Variants in OMA1 observed in about 807,000 individuals in gnomAD.
The protein encoded by OMA1 is OMA1 zinc metallopeptidase.
Under a neutral mutation model 30.9 loss-of-function variants are expected in OMA1, and 38 were observed. The observed-to-expected ratio is 1.23, with a 90% CI of 0.95 to 1.61. The LOEUF (loss-of-function observed/expected upper bound fraction) is 1.61, where lower values mean the gene tolerates loss of function less well. Among genes scored for constraint, OMA1 ranks in the 40% most tolerant of loss-of-function variants. OMA1 has a pLI of 0.00. For missense variants in OMA1, 461 were observed against 349.2 expected (o/e 1.32, Z -2.55); for synonymous variants, 173 against 121.9 (o/e 1.42, Z -2.76).
chr1:58,491,115 T>C (rs952331389), intron 8 of OMA1, among the ~76,000 whole-genome samples: 1 of 151,996 alleles, frequency 6.6e-6, no homozygotes, highest in Non-Finnish European at 1.5e-5. Flanking sequence ...CCCTTCAACA[T>C]ACTTAAAGAA....
intron 8 of OMA1, among the ~76,000 whole-genome samples, chr1:58,500,734 A>G (rs1645893101): frequency 6.6e-6 from 1 of 152,208 alleles, no homozygotes. Context: ...TATACATTCT[A>G]TCATTCTCCA....
At chr1:58,546,153 CG>C (rs918100580) in intron 1 of OMA1, among the ~76,000 whole-genome samples, 103 of 152,336 alleles carry the variant, frequency 6.8e-4, no homozygotes, top group African/African-American at 2.4e-3. Context: ...TAAAACTCCC[CG>C]GAACTGCTTA....
At chr1:58,541,747 T>C in intron 1 of OMA1, 1 of 118,992 alleles carries the variant, frequency 8.4e-6, no homozygotes, top group East Asian at 2.0e-4. Flanking sequence ...ATATTGTGGT[T>C]ATCTGACTAT....
At chr1:58,482,845 G>A (rs904168140) in intron 8 of OMA1, among the ~76,000 whole-genome samples, 1 of 152,108 alleles carries the variant, frequency 6.6e-6, no homozygotes, top group Admixed American at 6.6e-5. Flanking sequence ...GAGCAGGGTG[G>A]AGGGCAGGAG....
chr1:58,506,422 C>G (rs1273960157), intron 7 of OMA1, among the ~76,000 whole-genome samples: 1 of 152,154 alleles, frequency 6.6e-6, no homozygotes, highest in Non-Finnish European at 1.5e-5. Context: ...TATCTCCTAA[C>G]AACTTTATGT....
intron 3 of OMA1, among the ~76,000 whole-genome samples, chr1:58,535,304 C>T (rs1232689447): frequency 6.6e-6 from 1 of 151,834 alleles, no homozygotes; most frequent in Non-Finnish European, 1.5e-5. Context: ...CTTTTTTTCA[C>T]TTAAGAATCA....
chr1:58,525,985 A>G (rs1646343184), intron 7 of OMA1, among the ~76,000 whole-genome samples: 1 of 152,080 alleles, frequency 6.6e-6, no homozygotes, highest in Non-Finnish European at 1.5e-5. Context: ...TGCTGAGTCT[A>G]TTAGCTATCC....
At chr1:58,502,483 T>C (rs1247014337) in intron 8 of OMA1, among the ~76,000 whole-genome samples, 2 of 152,244 alleles carry the variant, frequency 1.3e-5, no homozygotes, top group Non-Finnish European at 2.9e-5. Flanking sequence ...GATTTGTCTG[T>C]GCTCTCTAGT....
intron 8 of OMA1, among the ~76,000 whole-genome samples, chr1:58,505,249 A>G (rs1364112811): frequency 7.2e-5 from 11 of 152,210 alleles, no homozygotes; most frequent in Non-Finnish European, 1.0e-4. Context: ...AGATACTTCT[A>G]TAATACACCT....
intron 8 of OMA1, among the ~76,000 whole-genome samples, chr1:58,504,981 G>A (rs889052201): frequency 2.0e-5 from 3 of 151,442 alleles, no homozygotes; most frequent in South Asian, 2.1e-4. Flanking sequence ...TTGAGACAGA[G>A]TCTCACCCTG....
At chr1:58,516,353 C>A (rs905852891) in intron 7 of OMA1, among the ~76,000 whole-genome samples, 2 of 152,150 alleles carry the variant, frequency 1.3e-5, no homozygotes, top group African/African-American at 4.8e-5. Flanking sequence ...ATAATGACTG[C>A]AAAGTGTCAA....
chr1:58,519,606 C>G (rs773294220), intron 7 of OMA1, among the ~76,000 whole-genome samples: 1 of 152,068 alleles, frequency 6.6e-6, no homozygotes, highest in Non-Finnish European at 1.5e-5. Context: ...TCAGAGCCAA[C>G]AGAACTGTTT....
At chr1:58,519,631 G>C (rs1646229381) in intron 7 of OMA1, among the ~76,000 whole-genome samples, 1 of 152,052 alleles carries the variant, frequency 6.6e-6, no homozygotes, top group Non-Finnish European at 1.5e-5. Context: ...GAAACATCCA[G>C]CATTCAATCA....
chr1:58,505,479 T>C (rs1439362242), intron 8 of OMA1, among the ~76,000 whole-genome samples: 2 of 152,112 alleles, frequency 1.3e-5, no homozygotes, highest in Non-Finnish European at 2.9e-5. Flanking sequence ...CAGAGGATAC[T>C]GAAAACTACT....
chr1:58,490,699 C>G (rs1645665982), intron 8 of OMA1, among the ~76,000 whole-genome samples: 1 of 148,834 alleles, frequency 6.7e-6, no homozygotes, highest in South Asian at 2.2e-4. Context: ...AGAGAAAGGT[C>G]GGGTTACCCA....
chr1:58,516,206 CA>C (rs1370836936), intron 7 of OMA1, among the ~76,000 whole-genome samples: 3 of 152,186 alleles, frequency 2.0e-5, no homozygotes, highest in Non-Finnish European at 1.5e-5. Flanking sequence ...AATCATACAC[CA>C]TGTCATCCTA....
chr1:58,496,299 C>T (rs1324765136), intron 8 of OMA1, among the ~76,000 whole-genome samples: 1 of 152,082 alleles, frequency 6.6e-6, no homozygotes, highest in Non-Finnish European at 1.5e-5. Flanking sequence ...TACAGCTTCT[C>T]TGTTGAATTC....
Position 58,499,761 on chromosome 1 carries a change from T to C in OMA1, c.1365+6299A>G, listed in dbSNP as rs375014867. On this transcript the variant is annotated intron_variant, in intron 8 of 8. Coordinates refer to ENST00000371226, the MANE Select transcript of OMA1 (RefSeq NM_145243.5). ...GAAACATCATGCTGGACTCCATAAA[T>C]ATATAAAAAATTTTAAAAATTAGTT... 1.8e-3 allele frequency among the ~76,000 whole-genome samples: 271 copies of C among 151,196 alleles called. 6 individuals are homozygous for C. The South Asian group carries it at 0.053, about 29-fold the overall frequency.
At position 58,536,698 on chromosome 1, in the gene OMA1, C is replaced by T. The variant is rs1316941239; in HGVS notation, c.544G>A (p.Glu182Lys). ...TTCCTTATATTTTCTTTAACTACTTCCTTCTTGTTAGGAGGAAGTGCCTGC... is the reference window on the plus strand; with the variant it reads ...TTCCTTATATTTTCTTTAACTACTTTCTTCTTGTTAGGAGGAAGTGCCTGC... ...WWQALPPNKK[E>K]VVKENIRKNK... The change falls in exon 3 of 9, where the codon GAA (glutamate) becomes AAA (lysine). Residue 182 changes from glutamate to lysine, a missense_variant. Transcript: ENST00000371226. 5 of 872,650 alleles carry T rather than the reference C, an allele frequency of 5.7e-6. No individual in the cohort carries two copies. Among genetic ancestry groups the T allele is most frequent in the Admixed American group, 3.4e-5 (2 of 59,160 alleles). The allele number at this position is 872,650 out of a possible 1,614,324, so 54.1% of individuals were successfully genotyped here. A position where few individuals can be genotyped will look rare whatever the true frequency, so the allele number is the denominator to read the frequency against.
Sources: allele counts gnomAD v4.1 joint callset (sites outside exome capture counted in the v4.1 genomes callset), GRCh38; gene constraint gnomAD v4.1.1; transcripts MANE v1.5; gene names NCBI Gene and HGNC (gene_info 2026-07-23, HGNC 2026-07-21).